Variants in AGAP1 observed in about 807,000 individuals in gnomAD.
AGAP1 encodes the protein arf-GAP with GTPase, ANK repeat and PH domain-containing protein 1.
AGAP1 carries 29 observed loss-of-function variants against 105.3 expected under a neutral mutation model. The ratio of observed to expected loss-of-function variants is 0.28; its 90% CI spans 0.21 to 0.38. The LOEUF is 0.38. Ranked by LOEUF, AGAP1 falls within the 10% of genes least tolerant of loss-of-function variation. AGAP1 has a pLI of 1.00. For synonymous variants in AGAP1, 509 were observed against 485.9 expected, an observed-to-expected ratio of 1.05 and a Z score of -0.63; for missense variants, 998 against 1,165.1, an observed-to-expected ratio of 0.86 and a Z score of 2.09.
rs1007763262 is a variant in AGAP1, at chr2:235,864,889, G to T, written c.1051-18456G>T. Among the ~76,000 whole-genome samples the T allele has an allele frequency of 2.7e-4, 41 of 152,154 alleles. No homozygotes were observed. Among genetic ancestry groups the T allele is most frequent in the Admixed American group, 2.5e-3 (38 of 15,270 alleles). ...TTCCTTTGATTAGCATTTGGTTCTG[G>T]TTGGGACTTAATAATGCTAGCCAGA... On this transcript the variant is annotated intron_variant, in intron 9 of 17. Coordinates refer to ENST00000304032, the MANE Select transcript of AGAP1 (RefSeq NM_001037131.3). This position sits in a 1 kb window ranked among gnomAD's most constrained non-coding sequence, Gnocchi z 5.0.
chr2:235,558,946 A>G (rs1031506768), intron 1 of AGAP1, among the ~76,000 whole-genome samples: 1 of 151,842 alleles, frequency 6.6e-6, no homozygotes, highest in Non-Finnish European at 1.5e-5. Context: ...TTTTTTAGAT[A>G]GGGTCTCGCT....
At position 235,891,991 on chromosome 2, in the gene AGAP1, T is replaced by G. The variant is rs926973642; in HGVS notation, c.1155+8542T>G. On this transcript the variant is annotated intron_variant, in intron 10 of 17. Coordinates refer to ENST00000304032, the MANE Select transcript of AGAP1 (RefSeq NM_001037131.3). This position sits in a 1 kb window ranked among gnomAD's most constrained non-coding sequence, Gnocchi z 4.2. ...CAATATGGTGAAACCCCATCTCTACTAAAAATATAAAAACTAACCAGGTGT... is the reference window on the plus strand; with the variant it reads ...CAATATGGTGAAACCCCATCTCTACGAAAAATATAAAAACTAACCAGGTGT... Among the ~76,000 whole-genome samples the G allele has an allele frequency of 6.6e-6, 1 of 152,096 alleles. No individual in the cohort carries two copies. The highest frequency in any genetic ancestry group is 1.5e-5 in the Non-Finnish European group (1 of 68,016).
chr2:235,670,329 A>G, intron 1 of AGAP1: 1 of 482,008 alleles, frequency 2.1e-6, no homozygotes, highest in Non-Finnish European at 3.7e-6. Flanking sequence ...GAGGAGGCGG[A>G]GGGCGCCGAG....
rs1261137625 is a variant in AGAP1, at chr2:236,114,979, TCA to T, written c.2115-5210_2115-5209del. ...GGATCCTCTGCACCCTCGGGGGAGC[TCA>T]CAAGATGCCAGCAGGCTTGGCAAGA... is the stretch of plus-strand genomic sequence containing the variant. On this transcript the variant is annotated intron_variant, in intron 16 of 17. Coordinates refer to ENST00000304032, the MANE Select transcript of AGAP1 (RefSeq NM_001037131.3). The surrounding 1 kb of genome is among the most constrained non-coding windows in gnomAD (Gnocchi z 5.0). 6.6e-6 allele frequency among the ~76,000 whole-genome samples: 1 copy of T among 152,014 alleles called. No individual in the cohort carries two copies. The highest frequency in any genetic ancestry group is 6.6e-5 in the Admixed American group (1 of 15,262).
rs187835089 is a variant in AGAP1, at chr2:235,721,639, G to T, written c.310+3995G>T. Reference sequence around the variant, plus strand: ...AGTCTGAAATCAAGGTGTTGACGGGGTTGGTTCCTTCTGCAGCTTAGAGGT... The same window carrying T: ...AGTCTGAAATCAAGGTGTTGACGGGTTTGGTTCCTTCTGCAGCTTAGAGGT... On this transcript the variant is annotated intron_variant, in intron 3 of 17. Coordinates refer to ENST00000304032, the MANE Select transcript of AGAP1 (RefSeq NM_001037131.3). The surrounding 1 kb of genome is among the most constrained non-coding windows in gnomAD (Gnocchi z 4.5). Among the ~76,000 whole-genome samples the T allele has an allele frequency of 2.1e-4, 32 of 152,336 alleles. No homozygotes were observed. Among genetic ancestry groups the T allele is most frequent in the African/African-American group, 7.7e-4 (32 of 41,586 alleles).
rs188809844 is a variant in AGAP1, at chr2:235,734,223, A to G, written c.311-6740A>G. Among the ~76,000 whole-genome samples the G allele has an allele frequency of 2.6e-5, 4 of 152,346 alleles. No individual in the cohort carries two copies. The East Asian group carries it at 7.7e-4, about 29-fold the overall frequency. On this transcript the variant is annotated intron_variant, in intron 3 of 17. Transcript: ENST00000304032. The surrounding 1 kb of genome is among the most constrained non-coding windows in gnomAD (Gnocchi z 5.3). ...ATCATGGCACTCAGTAACAAGGAAT[A>G]TTGTAGATGAATTTTGAAAATGTTT...
chr2:235,603,321 T>C (rs1197304055), intron 1 of AGAP1, among the ~76,000 whole-genome samples: 1 of 152,218 alleles, frequency 6.6e-6, no homozygotes, highest in Non-Finnish European at 1.5e-5. Context: ...AAACCTCTTT[T>C]TGTTTATAAA....
At chr2:235,956,996 T>C (rs2053979669) in intron 12 of AGAP1, among the ~76,000 whole-genome samples, 1 of 152,218 alleles carries the variant, frequency 6.6e-6, no homozygotes, top group South Asian at 2.1e-4. Flanking sequence ...CCATTTTTTT[T>C]AAACAGCTTT....
Position 236,087,654 on chromosome 2 carries a change from C to G in AGAP1, c.2115-32538C>G, listed in dbSNP as rs1464913548. Among the ~76,000 whole-genome samples, 1 of 151,982 alleles carries G rather than the reference C, an allele frequency of 6.6e-6. No individual in the cohort carries two copies. The highest frequency in any genetic ancestry group is 1.5e-5 in the Non-Finnish European group (1 of 68,020). On this transcript the variant is annotated intron_variant, in intron 16 of 17. Transcript: ENST00000304032. The surrounding 1 kb of genome is among the most constrained non-coding windows in gnomAD (Gnocchi z 5.7). ...TCACCTGGTGTTTTAAAGCTTTTCT[C>G]TGTTTCCATGTGGTGCCGTGAATAG...
intron 1 of AGAP1, among the ~76,000 whole-genome samples, chr2:235,588,535 T>G (rs552032162): frequency 1.8e-4 from 28 of 152,178 alleles, no homozygotes; most frequent in Non-Finnish European, 4.0e-4. Context: ...CTCCAAATAG[T>G]AAAATCTGGA....
intron 6 of AGAP1, among the ~76,000 whole-genome samples, chr2:235,764,746 G>T (rs1358308675): frequency 9.4e-6 from 1 of 106,250 alleles, no homozygotes. Flanking sequence ...GGGAGCGCCC[G>T]TGGGGTGGGG....
At chr2:235,886,477 A>G (rs1416818141) in intron 10 of AGAP1, among the ~76,000 whole-genome samples, 1 of 152,222 alleles carries the variant, frequency 6.6e-6, no homozygotes, top group Non-Finnish European at 1.5e-5. Flanking sequence ...GTATATAATC[A>G]CAACCAGTTC....
Position 236,120,507 on chromosome 2 carries a change from C to G in AGAP1, c.2370+60C>G. 6.3e-7 allele frequency: 1 copy of G among 1,598,702 alleles called. No individual in the cohort carries two copies. Among genetic ancestry groups the G allele is most frequent in the South Asian group, 1.1e-5 (1 of 88,942 alleles). Reference sequence around the variant, plus strand: ...CACAGGAGGCACTCTCTGCTTTGTTCTGCTTCCGTGGGCATCTTTCTGGCA... The same window carrying G: ...CACAGGAGGCACTCTCTGCTTTGTTGTGCTTCCGTGGGCATCTTTCTGGCA... On this transcript the variant is annotated intron_variant, in intron 17 of 17. Transcript: ENST00000304032. The surrounding 1 kb of genome is among the most constrained non-coding windows in gnomAD (Gnocchi z 6.0).
intron 6 of AGAP1, among the ~76,000 whole-genome samples, chr2:235,771,660 G>A (rs978833668): frequency 1.3e-4 from 20 of 152,228 alleles, no homozygotes; most frequent in African/African-American, 4.1e-4. Flanking sequence ...GTGTGACTCC[G>A]GCCGTTGTGG....
rs1456655965 is a variant in AGAP1 at position 236,000,689 on chromosome 2, T to TGAA, written c.1645+32066_1645+32067insGAA. Among the ~76,000 whole-genome samples, 6 of 152,204 alleles carry TGAA rather than the reference T, an allele frequency of 3.9e-5. No individual in the cohort carries two copies. The highest frequency in any genetic ancestry group is 8.8e-5 in the Non-Finnish European group (6 of 68,048). On this transcript the variant is annotated intron_variant, in intron 13 of 17. Transcript: ENST00000304032. This position sits in a 1 kb window ranked among gnomAD's most constrained non-coding sequence, Gnocchi z 4.3. ...AGTGAAGAATAAAACACAGGTGATT[T>TGAA]CAGATAGTGGCACATGCCTGAGGCA...
Position 235,976,036 on chromosome 2 carries a change from A to G in AGAP1, c.1645+7413A>G, listed in dbSNP as rs113124762. ...TTCCTGGGAGATACACTGGAAATGC[A>G]GTAGCGAATGTGGAAAACCAAGAAT... On this transcript the variant is annotated intron_variant, in intron 13 of 17. Transcript: ENST00000304032. This position sits in a 1 kb window ranked among gnomAD's most constrained non-coding sequence, Gnocchi z 4.5. Among the ~76,000 whole-genome samples the G allele has an allele frequency of 0.028, 4,296 of 152,170 alleles. 111 individuals are homozygous for G. The highest frequency in any genetic ancestry group is 0.11 in the South Asian group (525 of 4,816).
chr2:235,536,277 AG>A (rs1943220642), intron 1 of AGAP1, among the ~76,000 whole-genome samples: 5 of 25,286 alleles, frequency 2.0e-4, no homozygotes, highest in Admixed American at 7.8e-4. Context: ...ACACACACAC[AG>A]CAGGACCCCG....
intron 1 of AGAP1, among the ~76,000 whole-genome samples, chr2:235,603,990 TC>T (rs761456969): frequency 5.5e-4 from 84 of 152,190 alleles, no homozygotes; most frequent in Middle Eastern, 6.8e-3. Flanking sequence ...TCTTCCAGCA[TC>T]CCCGAGATGA....
chr2:235,587,383 C>T (rs1010357256), intron 1 of AGAP1, among the ~76,000 whole-genome samples: 4 of 152,134 alleles, frequency 2.6e-5, no homozygotes, highest in South Asian at 2.1e-4. Context: ...GGCTGGGATT[C>T]CGAGCTCAGG....
Sources: allele counts gnomAD v4.1 joint callset (sites outside exome capture counted in the v4.1 genomes callset), GRCh38; gene constraint gnomAD v4.1.1; non-coding constraint Gnocchi (gnomAD v3.1); transcripts MANE v1.5; gene names NCBI Gene and HGNC (gene_info 2026-07-23, HGNC 2026-07-21).